Variants in SYNDIG1 observed in about 807,000 individuals in gnomAD.
SYNDIG1 encodes synapse differentiation-inducing gene protein 1.
In SYNDIG1, 9 loss-of-function variants were observed where a neutral mutation model predicts 19.4. The ratio of observed to expected loss-of-function variants is 0.46; its 90% CI spans 0.28 to 0.81. The LOEUF is 0.81. Among genes scored for constraint, SYNDIG1 ranks in the 30% least tolerant of loss-of-function variants. The pLI is 0.12. For synonymous variants in SYNDIG1, 141 were observed against 145.9 expected (o/e 0.97, Z 0.24); for missense variants, 311 against 343.3 (o/e 0.91, Z 0.74).
intron 1 of SYNDIG1, among the ~76,000 whole-genome samples, chr20:24,482,330 A>G (rs556436928): frequency 6.6e-6 from 1 of 152,168 alleles, no homozygotes; most frequent in Non-Finnish European, 1.5e-5. Context: ...CAGCCTCCCA[A>G]AGTGCTGGGA....
At chr20:24,557,051 T>TCATTTCATC (rs2057835625) in intron 2 of SYNDIG1, among the ~76,000 whole-genome samples, 1 of 152,232 alleles carries the variant, frequency 6.6e-6, no homozygotes, top group Non-Finnish European at 1.5e-5. Flanking sequence ...TTCATTTCAT[T>TCATTTCATC]CATTTCATCT....
At position 24,535,744 on chromosome 20, in the gene SYNDIG1, G is replaced by A. The variant is rs556939894; in HGVS notation, c.-78-7276G>A. ...GGGCAGTTGCTGGGCAGATGATCTC[G>A]CAGAAGTGTTTTTTGTGTAAAATGC... On this transcript the variant is annotated intron_variant, in intron 1 of 3. Transcript: ENST00000376862. Among the ~76,000 whole-genome samples the A allele has an allele frequency of 4.6e-5, 7 of 152,266 alleles. No homozygotes were observed. In the South Asian group the frequency reaches 8.3e-4, roughly 18 times the overall value.
At chr20:24,556,758 T>C (rs577144033) in intron 2 of SYNDIG1, among the ~76,000 whole-genome samples, 2 of 152,308 alleles carry the variant, frequency 1.3e-5, no homozygotes, top group South Asian at 2.1e-4. Flanking sequence ...TCATTTCAAC[T>C]TTGGTGAATC....
chr20:24,506,420 C>T (rs999212589), intron 1 of SYNDIG1, among the ~76,000 whole-genome samples: 4 of 152,202 alleles, frequency 2.6e-5, no homozygotes, highest in African/African-American at 7.2e-5. Context: ...TTCCCCCAAG[C>T]GCCAAAGAGA....
chr20:24,554,186 C>T (rs909072011), intron 2 of SYNDIG1, among the ~76,000 whole-genome samples: 1 of 152,152 alleles, frequency 6.6e-6, no homozygotes, highest in African/African-American at 2.4e-5. Context: ...AGTTGCTTAT[C>T]AGCTTAAGGA....
chr20:24,538,760 C>T (rs1468370295), intron 1 of SYNDIG1, among the ~76,000 whole-genome samples: 1 of 130,462 alleles, frequency 7.7e-6, no homozygotes, highest in Non-Finnish European at 1.6e-5. Flanking sequence ...CTCACCAACA[C>T]TTGTTATTTT....
intron 3 of SYNDIG1, among the ~76,000 whole-genome samples, chr20:24,654,646 G>A (rs916861061): frequency 4.7e-5 from 5 of 106,162 alleles, no homozygotes; most frequent in Non-Finnish European, 9.7e-5. Context: ...GAGAGGGAGG[G>A]AGGGAGGAAG....
chr20:24,588,545 A>G (rs2058455020), intron 3 of SYNDIG1, among the ~76,000 whole-genome samples: 1 of 152,108 alleles, frequency 6.6e-6, no homozygotes. Flanking sequence ...CTCTGGGGCA[A>G]AGCCCAGGAA....
chr20:24,499,338 G>A (rs2056384898), intron 1 of SYNDIG1, among the ~76,000 whole-genome samples: 1 of 152,188 alleles, frequency 6.6e-6, no homozygotes, highest in Non-Finnish European at 1.5e-5. Flanking sequence ...TGAAAGATGG[G>A]AATCTTTCCT....
chr20:24,572,226 C>T (rs1037757111), intron 2 of SYNDIG1, among the ~76,000 whole-genome samples: 1 of 152,204 alleles, frequency 6.6e-6, no homozygotes, highest in African/African-American at 2.4e-5. Context: ...AGACCTAACC[C>T]CTGGTGTTTC....
chr20:24,497,211 G>C (rs976933671), intron 1 of SYNDIG1, among the ~76,000 whole-genome samples: 2 of 151,942 alleles, frequency 1.3e-5, no homozygotes, highest in African/African-American at 4.8e-5. Context: ...TTGTTTGTTT[G>C]TTTGTTTTTG....
intron 2 of SYNDIG1, among the ~76,000 whole-genome samples, chr20:24,578,633 T>C (rs6049792): frequency 1 from 152,033 of 152,282 alleles, 75,893 homozygotes; most frequent in African/African-American, 1. Flanking sequence ...CGCAAAAGCC[T>C]CAAATGAAGT....
At chr20:24,518,123 A>T (rs2056926338) in intron 1 of SYNDIG1, among the ~76,000 whole-genome samples, 1 of 152,036 alleles carries the variant, frequency 6.6e-6, no homozygotes, top group East Asian at 1.9e-4. Context: ...CTAGCCAAAG[A>T]CCAATAGAAA....
intron 2 of SYNDIG1, among the ~76,000 whole-genome samples, chr20:24,553,244 C>T (rs2057742356): frequency 6.6e-6 from 1 of 151,876 alleles, no homozygotes; most frequent in South Asian, 2.1e-4. Context: ...CGAAAATTTT[C>T]TCCCATTTTG....
chr20:24,508,299 G>T (rs148798537), intron 1 of SYNDIG1, among the ~76,000 whole-genome samples: 188 of 133,766 alleles, frequency 1.4e-3, no homozygotes, highest in African/African-American at 5.2e-3. Context: ...CACAATCTCG[G>T]CTCACTGCAA....
intron 3 of SYNDIG1, among the ~76,000 whole-genome samples, chr20:24,633,732 G>C (rs938020456): frequency 1.3e-5 from 2 of 152,202 alleles, no homozygotes; most frequent in African/African-American, 4.8e-5. Context: ...GGCAGTCTGG[G>C]TGTGAATGCC....
rs750758829 is a variant in SYNDIG1 at position 24,543,277 on chromosome 20, C to T, written c.180C>T (p.Ala60=). 3 of 1,613,652 alleles carry T rather than the reference C, an allele frequency of 1.9e-6. No homozygotes were observed. In the East Asian group the frequency reaches 6.7e-5, roughly 36 times the overall value. ...SHRVGASTVP[A]SLDSSRSEPM... ...GGGTGGGGGCCAGCACAGTGCCGGC[C>T]AGCCTGGACAGCAGCAGGAGTGAGC... The change falls in exon 2 of 4, where the codon GCC becomes GCT. Residue 60 remains alanine (A), a synonymous_variant. Coordinates refer to ENST00000376862, the MANE Select transcript of SYNDIG1 (RefSeq NM_024893.3).
At chr20:24,480,947 A>T (rs964575789) in intron 1 of SYNDIG1, among the ~76,000 whole-genome samples, 3 of 152,282 alleles carry the variant, frequency 2.0e-5, no homozygotes, top group African/African-American at 7.2e-5. Flanking sequence ...CACAAAGTAC[A>T]ATGGTGGTTG....
intron 3 of SYNDIG1, among the ~76,000 whole-genome samples, chr20:24,628,099 G>C (rs986430648): frequency 2.6e-5 from 4 of 152,236 alleles, no homozygotes; most frequent in African/African-American, 9.6e-5. Flanking sequence ...CTGGTGAGCT[G>C]TGAGTACGGC....
Sources: allele counts gnomAD v4.1 joint callset (sites outside exome capture counted in the v4.1 genomes callset), GRCh38; gene constraint gnomAD v4.1.1; transcripts MANE v1.5; gene names NCBI Gene and HGNC (gene_info 2026-07-23, HGNC 2026-07-21).